ISY1: variants seen among roughly 807,000 people sequenced by gnomAD.
ISY1 encodes the protein pre-mRNA-splicing factor ISY1 homolog.
ISY1 carries 12 observed loss-of-function variants against 54.4 expected under a neutral mutation model. The ratio of observed to expected loss-of-function variants is 0.22; its 90% CI spans 0.14 to 0.36. The LOEUF is 0.36. Among genes scored for constraint, ISY1 ranks in the 10% least tolerant of loss-of-function variants. The pLI, the probability that ISY1 is intolerant of heterozygous loss-of-function variation, is 1.00. For missense variants in ISY1, 282 were observed against 342.2 expected, an observed-to-expected ratio of 0.82 and a Z score of 1.39; for synonymous variants, 96 against 117.9, an observed-to-expected ratio of 0.81 and a Z score of 1.20.
intron 8 of ISY1, 74 bp downstream of exon 8, chr3:129,134,758 G>GAA: frequency 6.6e-7 from 1 of 1,508,400 alleles, no homozygotes; most frequent in Non-Finnish European, 8.9e-7. Flanking sequence ...AAGCACTATT[G>GAA]AAAATCCTGT....
chr3:129,148,770 T>C (rs1317060425), intron 5 of ISY1, among the ~76,000 whole-genome samples: 12 of 151,914 alleles, frequency 7.9e-5, no homozygotes, highest in Admixed American at 5.2e-4. Context: ...GATTTTGCCA[T>C]GTTGGCCAGG....
At chr3:129,142,010 G>A (rs558656300) in intron 6 of ISY1, among the ~76,000 whole-genome samples, 1 of 152,004 alleles carries the variant, frequency 6.6e-6, no homozygotes, top group Non-Finnish European at 1.5e-5. Context: ...TTCAAGACCA[G>A]CCTGGCCAAC....
chr3:129,154,388 C>T (rs989117631), intron 5 of ISY1, among the ~76,000 whole-genome samples: 2 of 133,366 alleles, frequency 1.5e-5, no homozygotes, highest in African/African-American at 5.5e-5. Flanking sequence ...TGCAGTGAGC[C>T]GAGAACTCGC....
intron 6 of ISY1, 64 bp downstream of exon 6, chr3:129,145,687 GGCAAGAATGA>G: frequency 6.9e-7 from 1 of 1,444,264 alleles, no homozygotes; most frequent in Non-Finnish European, 9.6e-7. Context: ...CGACTACTAT[GGCAAGAATGA>G]GCTGGGAACT....
At position 129,156,500 on chromosome 3, in the gene ISY1, T is replaced by C; in HGVS notation, c.187+133A>G. 6 of 845,882 alleles carry C rather than the reference T, an allele frequency of 7.1e-6. 1 individual carries two copies. In the South Asian group the frequency reaches 1.1e-4, roughly 15 times the overall value. 52.4% of individuals were successfully genotyped at this position (845,882 alleles called of 1,614,324 possible). ...ACTACATCAAACTGACTGATCGTAT[T>C]GATTGGCTCTTCTATGTCCTTACTG... is the stretch of plus-strand genomic sequence containing the variant. On this transcript the variant is annotated intron_variant, in intron 5 of 10. Coordinates refer to ENST00000393295, the MANE Select transcript of ISY1 (RefSeq NM_020701.4).
intron 5 of ISY1, among the ~76,000 whole-genome samples, chr3:129,147,750 A>T (rs912248776): frequency 6.6e-6 from 1 of 152,164 alleles, no homozygotes; most frequent in African/African-American, 2.4e-5. Context: ...CATCGCCCCA[A>T]AACATTCCCT....
intron 6 of ISY1, among the ~76,000 whole-genome samples, chr3:129,142,916 G>T (rs1247111298): frequency 6.6e-6 from 1 of 151,720 alleles, no homozygotes; most frequent in East Asian, 1.9e-4. Context: ...TTAGCTGGGC[G>T]TGGTGGTGGG....
intron 7 of ISY1, among the ~76,000 whole-genome samples, chr3:129,137,505 A>G (rs1023147043): frequency 6.6e-6 from 1 of 152,200 alleles, no homozygotes; most frequent in Non-Finnish European, 1.5e-5. Context: ...GCATAATCAC[A>G]ATATAGGAGC....
At chr3:129,136,543 G>C (rs931857440) in intron 7 of ISY1, among the ~76,000 whole-genome samples, 3 of 151,714 alleles carry the variant, frequency 2.0e-5, no homozygotes, top group African/African-American at 7.3e-5. Context: ...CGCTCTTGTT[G>C]CTCAGGCTGG....
chr3:129,155,894 T>C (rs567985308), intron 5 of ISY1, among the ~76,000 whole-genome samples: 6 of 152,114 alleles, frequency 3.9e-5, no homozygotes, highest in African/African-American at 1.4e-4. Context: ...GCCAATTTTG[T>C]ATTTTCAGTA....
intron 7 of ISY1, chr3:129,137,236 T>C (rs1936436652): frequency 3.1e-6 from 3 of 979,582 alleles, no homozygotes; most frequent in Non-Finnish European, 3.6e-6. Flanking sequence ...GAAAGGAACA[T>C]ACCAAACAGA....
intron 5 of ISY1, among the ~76,000 whole-genome samples, chr3:129,154,835 C>A (rs1041092757): frequency 6.6e-6 from 1 of 151,492 alleles, no homozygotes; most frequent in Non-Finnish European, 1.5e-5. Flanking sequence ...ATTACAGGCG[C>A]CTGCCACCAC....
chr3:129,134,386 A>G (rs906679103), intron 8 of ISY1, among the ~76,000 whole-genome samples, 191 bp from the exon 9 acceptor site: 2 of 152,222 alleles, frequency 1.3e-5, no homozygotes, highest in African/African-American at 4.8e-5. Context: ...GCCTTCAGTC[A>G]CTACAAAGCA....
chr3:129,153,905 G>C (rs1258023377), intron 5 of ISY1, among the ~76,000 whole-genome samples: 1 of 151,980 alleles, frequency 6.6e-6, no homozygotes, highest in African/African-American at 2.4e-5. Context: ...AGGAATTGAA[G>C]ACCAGCCTGT....
intron 5 of ISY1, among the ~76,000 whole-genome samples, chr3:129,147,171 T>C (rs914262766): frequency 1.2e-4 from 19 of 152,050 alleles, no homozygotes; most frequent in African/African-American, 4.6e-4. Context: ...GGTCAGGAGT[T>C]CGAGACCAGC....
intron 3 of ISY1, among the ~76,000 whole-genome samples, chr3:129,158,156 AC>A (rs1937200916): frequency 3.1e-5 from 4 of 128,872 alleles, no homozygotes; most frequent in African/African-American, 1.2e-4. Flanking sequence ...ACTGCACCCT[AC>A]TTTTTTTTTT....
chr3:129,156,169 C>T (rs536689560), intron 5 of ISY1, among the ~76,000 whole-genome samples: 11 of 152,024 alleles, frequency 7.2e-5, no homozygotes, highest in Non-Finnish European at 1.5e-4. Flanking sequence ...GAGGCTGAGG[C>T]GGGCGAATTG....
At chr3:129,148,130 A>G (rs1255620470) in intron 5 of ISY1, among the ~76,000 whole-genome samples, 1 of 152,042 alleles carries the variant, frequency 6.6e-6, no homozygotes, top group Admixed American at 6.6e-5. Flanking sequence ...TGCCTAGCCT[A>G]TATGTTTGTT....
intron 5 of ISY1, among the ~76,000 whole-genome samples, chr3:129,146,800 G>A (rs750336118): frequency 1.8e-4 from 28 of 152,180 alleles, no homozygotes; most frequent in Non-Finnish European, 3.4e-4. Context: ...GCTCACGCCT[G>A]TAATCCCAGC....
Sources: gnomAD v4.1 joint callset for allele counts (sites outside exome capture counted in the v4.1 genomes callset) on GRCh38, gnomAD v4.1.1 for gene constraint, MANE v1.5 for transcripts, NCBI Gene and HGNC (gene_info 2026-07-23, HGNC 2026-07-21) for gene names.